The following WBP1L variants were observed in gnomAD, a reference collection of about 807,000 sequenced individuals.
The protein encoded by WBP1L is WW domain binding protein 1 like.
WBP1L carries 17 observed loss-of-function variants against 33.7 expected under a neutral mutation model. The ratio of observed to expected loss-of-function variants is 0.50; its 90% CI spans 0.34 to 0.76. WBP1L has a LOEUF of 0.76. Ranked by LOEUF, WBP1L falls within the 30% of genes least tolerant of loss-of-function variation. The probability of loss-of-function intolerance (pLI) is 0.01; values close to 1 mark genes in which losing one functional copy is unlikely to be tolerated. For synonymous variants in WBP1L, 173 were observed against 190.8 expected (o/e 0.91, Z 0.77); for missense variants, 389 against 469.4 (o/e 0.83, Z 1.58).
chr10:102,783,398 T>C (rs1342344204), intron 1 of WBP1L, among the ~76,000 whole-genome samples: 5 of 152,220 alleles, frequency 3.3e-5, no homozygotes, highest in Non-Finnish European at 5.9e-5. Context: ...CCAGCTCCTA[T>C]GGTTACTTGA....
intron 1 of WBP1L, chr10:102,776,169 G>T: frequency 2.8e-6 from 4 of 1,431,218 alleles, no homozygotes; most frequent in Non-Finnish European, 3.7e-6. Context: ...GTCACGAGAA[G>T]GTGGGGGTGG....
chr10:102,761,908 C>G (rs960646035), intron 1 of WBP1L, among the ~76,000 whole-genome samples: 6 of 152,100 alleles, frequency 3.9e-5, no homozygotes, highest in African/African-American at 1.4e-4. Flanking sequence ...AGTGCAGTGG[C>G]GTGATCACAG....
intron 1 of WBP1L, among the ~76,000 whole-genome samples, chr10:102,786,348 T>C (rs1401199707): frequency 2.6e-5 from 4 of 152,208 alleles, no homozygotes; most frequent in Non-Finnish European, 5.9e-5. Context: ...ATGAGTCTAT[T>C]TCATGTTTAG....
At chr10:102,773,526 GT>G (rs59935077) in intron 1 of WBP1L, among the ~76,000 whole-genome samples, 3 of 151,222 alleles carry the variant, frequency 2.0e-5, no homozygotes, top group Non-Finnish European at 2.9e-5. Flanking sequence ...ATTTTTACAA[GT>G]TTTTTTTTGG....
intron 1 of WBP1L, among the ~76,000 whole-genome samples, chr10:102,762,458 AACAGT>A (rs1843053700): frequency 6.6e-6 from 1 of 152,146 alleles, no homozygotes; most frequent in South Asian, 2.1e-4. Context: ...TGTTACTCCC[AACAGT>A]ACCCTTAATC....
intron 2 of WBP1L, among the ~76,000 whole-genome samples, chr10:102,807,325 C>G (rs911330290): frequency 6.6e-5 from 10 of 151,858 alleles, no homozygotes; most frequent in Admixed American, 2.0e-4. Context: ...TGTCTGTCAT[C>G]CAGAGTTACC....
chr10:102,805,398 A>G (rs1165999156), intron 2 of WBP1L, among the ~76,000 whole-genome samples: 1 of 152,106 alleles, frequency 6.6e-6, no homozygotes, highest in Non-Finnish European at 1.5e-5. Flanking sequence ...TGAAAAAATG[A>G]CTGGTGGCCA....
chr10:102,757,883 C>CT (rs1156850934), intron 1 of WBP1L, among the ~76,000 whole-genome samples: 2 of 61,130 alleles, frequency 3.3e-5, no homozygotes, highest in Non-Finnish European at 6.2e-5. Context: ...CCCTCCCCCC[C>CT]CCCCTTTTTT....
intron 2 of WBP1L, among the ~76,000 whole-genome samples, chr10:102,804,255 G>A (rs1347297476): frequency 2.6e-5 from 4 of 151,638 alleles, no homozygotes; most frequent in Non-Finnish European, 5.9e-5. Flanking sequence ...GGGTGTGGTG[G>A]TGCATGCCTG....
intron 3 of WBP1L, among the ~76,000 whole-genome samples, chr10:102,810,569 T>TTC (rs1191494218): frequency 7.5e-6 from 1 of 132,956 alleles, no homozygotes; most frequent in Non-Finnish European, 1.6e-5. Context: ...TATTTCTTTT[T>TTC]TTTTTTTTTT....
intron 1 of WBP1L, among the ~76,000 whole-genome samples, chr10:102,757,887 C>CT (rs1188286707): frequency 0.015 from 367 of 25,260 alleles, 27 homozygotes; most frequent in African/African-American, 0.046. Flanking sequence ...CCCCCCCCCC[C>CT]TTTTTTTTTT....
At chr10:102,772,132 G>C (rs376508092) in intron 1 of WBP1L, among the ~76,000 whole-genome samples, 1 of 150,916 alleles carries the variant, frequency 6.6e-6, no homozygotes, top group Non-Finnish European at 1.5e-5. Flanking sequence ...TTAATTTTTT[G>C]TATTTTTAGT....
chr10:102,792,986 C>G (rs1027395991), intron 1 of WBP1L, among the ~76,000 whole-genome samples: 2 of 152,202 alleles, frequency 1.3e-5, no homozygotes, highest in Non-Finnish European at 2.9e-5. Flanking sequence ...GTTCCTGGGT[C>G]TTTTACTCAC....
chr10:102,787,946 G>A (rs1463505750), intron 1 of WBP1L, among the ~76,000 whole-genome samples: 1 of 151,286 alleles, frequency 6.6e-6, no homozygotes, highest in Non-Finnish European at 1.5e-5. Flanking sequence ...GGGCGTGGTG[G>A]TGCACGCCTG....
chr10:102,798,766 T>G (rs1003343807), intron 2 of WBP1L, among the ~76,000 whole-genome samples: 1 of 152,204 alleles, frequency 6.6e-6, no homozygotes, highest in African/African-American at 2.4e-5. Flanking sequence ...CAAGCTACTA[T>G]GAATGCCAGG....
chr10:102,801,241 T>G (rs1043005531), intron 2 of WBP1L, among the ~76,000 whole-genome samples: 1 of 152,154 alleles, frequency 6.6e-6, no homozygotes, highest in East Asian at 1.9e-4. Context: ...ACCTGATCGT[T>G]GTTAGTATTA....
In WBP1L at chr10:102,777,561, C is replaced by CTTT. The variant is rs35713577; in HGVS notation, c.91-20408_91-20406dup. Among the ~76,000 whole-genome samples, 209 of 55,588 alleles carry CTTT rather than the reference C, an allele frequency of 3.8e-3. 55 individuals carry two copies. The highest frequency in any genetic ancestry group is 0.014 in the African/African-American group (188 of 13,732). The allele number at this position is 55,588 out of a possible 152,430, so 36.5% of individuals were successfully genotyped here. On this transcript the variant is annotated intron_variant, in intron 1 of 3. Transcript: ENST00000448841. The stretch of plus-strand genomic sequence containing the variant: ...TTCTGCCCCCACAAGAAAGGCTGTC[C>CTTT]TTTTTTTTTTTTTTTTTTTTTTTTT...
At position 102,811,584 on chromosome 10, in the gene WBP1L, C is replaced by A. The variant is rs181861868; in HGVS notation, c.356-1011C>A. ...TGACTGCAGTGGCGTGATCTTGGCT[C>A]ACTGCAACCTCCTCCTCTGGGGTTC... On this transcript the variant is annotated intron_variant, in intron 3 of 3. Coordinates refer to ENST00000448841, the MANE Select transcript of WBP1L (RefSeq NM_001083913.2). Among the ~76,000 whole-genome samples, 50 of 152,332 alleles carry A rather than the reference C, an allele frequency of 3.3e-4. 1 individual carries two copies. In the East Asian group the frequency reaches 4.8e-3, roughly 15 times the overall value.
intron 1 of WBP1L, among the ~76,000 whole-genome samples, chr10:102,765,266 C>T (rs1173114324): frequency 1.3e-5 from 2 of 152,012 alleles, no homozygotes; most frequent in African/African-American, 2.4e-5. Flanking sequence ...CAGACAGGAT[C>T]TTGCACAGGC....
Sources: gnomAD v4.1 joint callset for allele counts (sites outside exome capture counted in the v4.1 genomes callset) on GRCh38, gnomAD v4.1.1 for gene constraint, MANE v1.5 for transcripts, NCBI Gene and HGNC (gene_info 2026-07-23, HGNC 2026-07-21) for gene names.